EDNRB: variants seen among roughly 807,000 people sequenced by gnomAD.
The protein encoded by EDNRB is Hirschsprung disease 2.
Under a neutral mutation model 46.4 loss-of-function variants are expected in EDNRB, and 18 were observed. The observed-to-expected ratio is 0.39, with a 90% confidence interval of 0.27 to 0.57. The LOEUF (loss-of-function observed/expected upper bound fraction) is 0.57, where lower values mean the gene tolerates loss of function less well. Among genes scored for constraint, EDNRB ranks in the 20% least tolerant of loss-of-function variants. EDNRB has a pLI of 0.61. For missense variants in EDNRB, 434 were observed against 537.5 expected (o/e 0.81, Z 1.90); for synonymous variants, 213 against 204.9 (o/e 1.04, Z -0.34).
At chr13:77,971,928 C>T (rs1350358924) in intron 1 of EDNRB, among the ~76,000 whole-genome samples, 1 of 152,168 alleles carries the variant, frequency 6.6e-6, no homozygotes, top group Non-Finnish European at 1.5e-5. Context: ...TAAAGATCCA[C>T]CACAATACCA....
intron 1 of EDNRB, among the ~76,000 whole-genome samples, chr13:77,935,394 C>G (rs918983725): frequency 6.6e-6 from 1 of 152,076 alleles, no homozygotes; most frequent in Non-Finnish European, 1.5e-5. Flanking sequence ...AAGCTGTCTT[C>G]AAGGAATGAA....
At chr13:77,955,074 C>T (rs1340379881) in intron 1 of EDNRB, among the ~76,000 whole-genome samples, 1 of 152,198 alleles carries the variant, frequency 6.6e-6, no homozygotes, top group Non-Finnish European at 1.5e-5. Flanking sequence ...CACCATTTTA[C>T]ATTCCCACCT....
chr13:77,931,744 C>CAAAAAAAAA (rs67176737), intron 1 of EDNRB, among the ~76,000 whole-genome samples: 142 of 83,212 alleles, frequency 1.7e-3, no homozygotes, highest in African/African-American at 2.2e-3. Context: ...ACTGTAGTAG[C>CAAAAAAAAA]AAAAAAAAAA....
chr13:77,929,616 A>G (rs1211693653), intron 1 of EDNRB, among the ~76,000 whole-genome samples: 1 of 152,172 alleles, frequency 6.6e-6, no homozygotes, highest in Non-Finnish European at 1.5e-5. Flanking sequence ...ACCCATTTGT[A>G]CAAGGCGGGT....
upstream of EDNRB, chr13:77,919,498 C>A: frequency 4.3e-6 from 7 of 1,612,810 alleles, no homozygotes; most frequent in Non-Finnish European, 5.9e-6. Flanking sequence ...GAGGAGCACG[C>A]CTCCCTTGAG....
chr13:77,958,351 T>C (rs994858881), intron 1 of EDNRB, among the ~76,000 whole-genome samples: 1 of 84,354 alleles, frequency 1.2e-5, no homozygotes, highest in Non-Finnish European at 2.1e-5. Context: ...TTATTTTATT[T>C]ATTTATTTAT....
intron 1 of EDNRB, among the ~76,000 whole-genome samples, chr13:77,928,728 A>G (rs1880307257): frequency 6.6e-6 from 1 of 152,200 alleles, no homozygotes; most frequent in East Asian, 1.9e-4. Flanking sequence ...GAACAATGCT[A>G]TTCTTACCTT....
intron 1 of EDNRB, among the ~76,000 whole-genome samples, chr13:77,969,824 G>T (rs1193394309): frequency 6.6e-6 from 1 of 152,144 alleles, no homozygotes; most frequent in African/African-American, 2.4e-5. Flanking sequence ...TAGGATATTT[G>T]CTCTGGAAAA....
At chr13:77,934,167 G>A (rs909323358) in intron 1 of EDNRB, among the ~76,000 whole-genome samples, 2 of 152,180 alleles carry the variant, frequency 1.3e-5, no homozygotes, top group Non-Finnish European at 2.9e-5. Context: ...ACGGTCAATA[G>A]GAGTATGACT....
intron 1 of EDNRB, among the ~76,000 whole-genome samples, chr13:77,934,060 T>C (rs1312439307): frequency 6.6e-6 from 1 of 152,148 alleles, no homozygotes; most frequent in Non-Finnish European, 1.5e-5. Flanking sequence ...GAGTGGCGGT[T>C]TGGGGTTAGC....
intron 1 of EDNRB, among the ~76,000 whole-genome samples, chr13:77,935,557 T>C (rs1032738001): frequency 4.6e-5 from 7 of 152,020 alleles, no homozygotes; most frequent in African/African-American, 1.7e-4. Context: ...TTGTAGAAGG[T>C]GTTGGGGTTT....
upstream of EDNRB, among the ~76,000 whole-genome samples, chr13:77,922,564 T>C (rs1482058958): frequency 6.6e-6 from 1 of 152,180 alleles, no homozygotes; most frequent in African/African-American, 2.4e-5. Context: ...TCTCCACATA[T>C]TCCTCTGGGA....
intron 1 of EDNRB, among the ~76,000 whole-genome samples, chr13:77,948,512 A>G (rs1426893045): frequency 6.6e-6 from 1 of 152,212 alleles, no homozygotes; most frequent in African/African-American, 2.4e-5. Flanking sequence ...GTTTTCATAT[A>G]CTAGTGGTCT....
At chr13:77,905,852 T>A (rs959657872) in intron 1 of EDNRB, among the ~76,000 whole-genome samples, 4 of 151,982 alleles carry the variant, frequency 2.6e-5, no homozygotes, top group African/African-American at 7.2e-5. Flanking sequence ...TGGAGAAGAC[T>A]GACCCAGCCC....
upstream of EDNRB, chr13:77,919,666 C>T (rs982614163): frequency 1.3e-6 from 2 of 1,518,364 alleles, no homozygotes; most frequent in South Asian, 1.2e-5. Flanking sequence ...CTTCCGACCC[C>T]GCTGCAACCT....
At chr13:77,912,256 C>T (rs914825719) in intron 1 of EDNRB, among the ~76,000 whole-genome samples, 1 of 152,202 alleles carries the variant, frequency 6.6e-6, no homozygotes, top group African/African-American at 2.4e-5. Context: ...TTTGTAGAGG[C>T]TTGGATTTAC....
chr13:77,970,462 A>G (rs1881696868), intron 1 of EDNRB, among the ~76,000 whole-genome samples: 1 of 152,106 alleles, frequency 6.6e-6, no homozygotes. Flanking sequence ...TTTTTAGGAT[A>G]GTTTGTAACT....
intron 1 of EDNRB, among the ~76,000 whole-genome samples, chr13:77,945,886 AAAAAAAAC>A (rs1360913224): frequency 6.6e-6 from 1 of 151,408 alleles, no homozygotes; most frequent in African/African-American, 2.4e-5. Context: ...CAAAAAAAAA[AAAAAAAAC>A]AAAAAAAACA....
upstream of EDNRB, chr13:77,919,246 C>T: frequency 1.2e-6 from 1 of 815,912 alleles, no homozygotes; most frequent in Non-Finnish European, 1.9e-6. Flanking sequence ...CAAACACTCG[C>T]GCTCCTTCCT....
Sources: gnomAD v4.1 joint callset for allele counts (sites outside exome capture counted in the v4.1 genomes callset) on GRCh38, gnomAD v4.1.1 for gene constraint, MANE v1.5 for transcripts, NCBI Gene and HGNC (gene_info 2026-07-23, HGNC 2026-07-21) for gene names.